Variants in COG5 observed in about 807,000 individuals in gnomAD.
COG5 encodes the protein component of oligomeric golgi complex 5.
Under a neutral mutation model 110.4 loss-of-function variants are expected in COG5, and 86 were observed. The ratio of observed to expected loss-of-function variants is 0.78; its 90% CI spans 0.65 to 0.93. The LOEUF (loss-of-function observed/expected upper bound fraction) is 0.93. COG5 is among the 40% of genes least tolerant of loss of function. The pLI, the probability that COG5 is intolerant of heterozygous loss-of-function variation, is 0.00. For missense variants in COG5, 1,077 were observed against 987.0 expected, an observed-to-expected ratio of 1.09 and a Z score of -1.22; for synonymous variants, 360 against 334.6, an observed-to-expected ratio of 1.08 and a Z score of -0.83.
intron 6 of COG5, among the ~76,000 whole-genome samples, chr7:107,506,191 G>A (rs1798982732): frequency 6.6e-6 from 1 of 152,218 alleles, no homozygotes; most frequent in Non-Finnish European, 1.5e-5. Context: ...ACCTGGAGAT[G>A]ATGTAATGGA....
Position 107,365,596 on chromosome 7 carries a change from CAAAAAAAAAAAA to C in COG5, c.836-3188_836-3177del, listed in dbSNP as rs71134263. Among the ~76,000 whole-genome samples the C allele has an allele frequency of 7.9e-4, 29 of 36,704 alleles. No homozygotes were observed. The South Asian group carries it at 9.2e-3, about 12-fold the overall frequency. The allele number at this position is 36,704 out of a possible 152,430, so 24.1% of individuals were successfully genotyped here. ...GGGAATGTTCAACATTGCAAAATGACAAAAAAAAAAAAAAAAAAAAAAAAAAGAAAAGCTGAA... is the reference window on the plus strand; with the variant it reads ...GGGAATGTTCAACATTGCAAAATGACAAAAAAAAAAAAAAGAAAAGCTGAA... On this transcript the variant is annotated intron_variant, in intron 8 of 21. Transcript: ENST00000297135.
At position 107,295,099 on chromosome 7, in the gene COG5, A is replaced by T. The variant is rs1286306109; in HGVS notation, c.1313+3043T>A. Among the ~76,000 whole-genome samples the T allele has an allele frequency of 5.9e-3, 374 of 63,794 alleles. 5 individuals are homozygous for T. The highest frequency in any genetic ancestry group is 0.011 in the African/African-American group (162 of 14,278). The allele number at this position is 63,794 out of a possible 152,430, so 41.9% of individuals were successfully genotyped here. A position where few individuals can be genotyped will look rare whatever the true frequency, so the allele number is the denominator to read the frequency against. ...TATATATATATATATATATATATATATATTTTTTTTTTTTTTTTGTAGAGT... is the reference window on the plus strand; with the variant it reads ...TATATATATATATATATATATATATTTATTTTTTTTTTTTTTTTGTAGAGT... On this transcript the variant is annotated intron_variant, in intron 12 of 21. Coordinates refer to ENST00000297135, the MANE Select transcript of COG5 (RefSeq NM_006348.5).
At position 107,202,321 on chromosome 7, in the gene COG5, CAA is replaced by C. The variant is rs1755585654; in HGVS notation, c.*1193_*1194del. On this transcript the variant is annotated 3_prime_UTR_variant, in exon 22 of 22. Coordinates refer to ENST00000297135, the MANE Select transcript of COG5 (RefSeq NM_006348.5). Reference sequence around the variant, plus strand: ...TTCCTCCAACTGTCTAAAATTAGAGCAAATACATTGGCAATACAGCTGCTTTT... The same window carrying C: ...TTCCTCCAACTGTCTAAAATTAGAGCATACATTGGCAATACAGCTGCTTTT... 1.3e-5 allele frequency: 2 copies of C among 152,578 alleles called. No homozygotes were observed. Among genetic ancestry groups the C allele is most frequent in the Non-Finnish European group, 2.9e-5 (2 of 68,024 alleles). 9.5% of individuals were successfully genotyped at this position (152,578 alleles called of 1,614,324 possible).
chr7:107,328,468 T>C (rs932050843), intron 10 of COG5, among the ~76,000 whole-genome samples: 3 of 152,182 alleles, frequency 2.0e-5, no homozygotes, highest in Non-Finnish European at 2.9e-5. Flanking sequence ...TATCATATGC[T>C]ACAATATGAA....
At chr7:107,366,333 T>G (rs1813611234) in intron 8 of COG5, among the ~76,000 whole-genome samples, 2 of 152,102 alleles carry the variant, frequency 1.3e-5, no homozygotes, top group African/African-American at 4.8e-5. Context: ...TCCACATCCA[T>G]GACACCCTCT....
intron 10 of COG5, among the ~76,000 whole-genome samples, chr7:107,337,072 G>C (rs1810764576): frequency 2.0e-5 from 3 of 151,982 alleles, no homozygotes; most frequent in African/African-American, 7.3e-5. Context: ...AATCATCAGG[G>C]AAATGCAAAT....
At chr7:107,219,678 A>AG (rs1305108656) in intron 19 of COG5, among the ~76,000 whole-genome samples, 1 of 152,136 alleles carries the variant, frequency 6.6e-6, no homozygotes, top group Admixed American at 6.6e-5. Flanking sequence ...CCAGAGGCTA[A>AG]GGGGGGAGGA....
intron 16 of COG5, among the ~76,000 whole-genome samples, chr7:107,252,871 A>G (rs1802622816): frequency 6.6e-6 from 1 of 152,188 alleles, no homozygotes; most frequent in African/African-American, 2.4e-5. Flanking sequence ...ATTAATAATA[A>G]AAAATAGAAA....
chr7:107,425,710 T>C (rs561770910), intron 6 of COG5, among the ~76,000 whole-genome samples: 1 of 152,284 alleles, frequency 6.6e-6, no homozygotes, highest in Non-Finnish European at 1.5e-5. Flanking sequence ...TGTAAAAGGT[T>C]AGAAGAACTA....
At chr7:107,449,569 T>G (rs1198649678) in intron 6 of COG5, among the ~76,000 whole-genome samples, 1 of 152,166 alleles carries the variant, frequency 6.6e-6, no homozygotes, top group Non-Finnish European at 1.5e-5. Flanking sequence ...TTTCATAGTT[T>G]TTAATGCAAT....
intron 11 of COG5, among the ~76,000 whole-genome samples, chr7:107,301,607 T>C (rs933387429): frequency 6.6e-6 from 1 of 152,118 alleles, no homozygotes; most frequent in Non-Finnish European, 1.5e-5. Context: ...CACAGTGGCT[T>C]GTGTAGTGAA....
chr7:107,491,771 T>C (rs763961098), intron 6 of COG5, among the ~76,000 whole-genome samples: 12 of 152,162 alleles, frequency 7.9e-5, no homozygotes, highest in Non-Finnish European at 1.3e-4. Context: ...GCAGCCTCAA[T>C]AGAAAATTCC....
chr7:107,391,359 T>C (rs1259998300), intron 7 of COG5, among the ~76,000 whole-genome samples: 1 of 152,176 alleles, frequency 6.6e-6, no homozygotes, highest in East Asian at 1.9e-4. Context: ...GTTCTAAGCA[T>C]CCTTTGTGTA....
At chr7:107,366,998 T>C (rs1813683346) in intron 8 of COG5, among the ~76,000 whole-genome samples, 1 of 152,130 alleles carries the variant, frequency 6.6e-6, no homozygotes, top group African/African-American at 2.4e-5. Flanking sequence ...AAAAAATCCA[T>C]TTGGTCATAA....
intron 3 of COG5, among the ~76,000 whole-genome samples, chr7:107,550,616 C>T (rs1405176019): frequency 6.6e-6 from 1 of 152,198 alleles, no homozygotes; most frequent in African/African-American, 2.4e-5. Context: ...TAGATCTTGG[C>T]TCAAACGTCA....
At chr7:107,557,015 C>T (rs536603469) in intron 2 of COG5, among the ~76,000 whole-genome samples, 2 of 152,086 alleles carry the variant, frequency 1.3e-5, no homozygotes, top group East Asian at 3.9e-4. Context: ...ATGACCTGCC[C>T]GCCTCAGCCT....
At chr7:107,503,044 G>C (rs1012589533) in intron 6 of COG5, among the ~76,000 whole-genome samples, 2 of 152,158 alleles carry the variant, frequency 1.3e-5, no homozygotes, top group Middle Eastern at 3.4e-3. Context: ...TGTTGCATTT[G>C]CTTTTGGGAT....
At chr7:107,405,804 G>A (rs1309906031) in intron 7 of COG5, among the ~76,000 whole-genome samples, 1 of 152,110 alleles carries the variant, frequency 6.6e-6, no homozygotes, top group Admixed American at 6.5e-5. Flanking sequence ...TATCATGAGG[G>A]CAGGGCACCC....
intron 14 of COG5, among the ~76,000 whole-genome samples, chr7:107,279,938 T>C (rs1380320456): frequency 6.6e-6 from 1 of 152,116 alleles, no homozygotes; most frequent in Non-Finnish European, 1.5e-5. Context: ...ATTACTATGT[T>C]AACTGAAGTA....
Sources: allele counts gnomAD v4.1 joint callset (sites outside exome capture counted in the v4.1 genomes callset), GRCh38; gene constraint gnomAD v4.1.1; transcripts MANE v1.5; gene names NCBI Gene and HGNC (gene_info 2026-07-23, HGNC 2026-07-21).